The following GSN variants were observed in gnomAD, a reference collection of about 807,000 sequenced individuals.
GSN encodes the protein actin-depolymerizing factor.
A neutral mutation model predicts 85.7 loss-of-function variants in GSN; 56 were observed. That is an observed-to-expected ratio of 0.65 (90% confidence interval 0.53 to 0.82). The LOEUF (loss-of-function observed/expected upper bound fraction) is 0.82. Among genes scored for constraint, GSN ranks in the 40% least tolerant of loss-of-function variants. GSN has a pLI of 0.00. For missense variants in GSN, 857 were observed against 979.8 expected (o/e 0.87, Z 1.67); for synonymous variants, 373 against 399.1 (o/e 0.93, Z 0.78).
intron 1 of GSN, chr9:121,209,280 T>C (rs538957265): frequency 6.6e-6 from 1 of 152,248 alleles, no homozygotes; most frequent in South Asian, 2.1e-4. Context: ...AAATGTACAA[T>C]CCTTCATCCT....
chr9:121,228,470 G>A (rs1334444672), intron 4 of GSN, among the ~76,000 whole-genome samples: 3 of 78,326 alleles, frequency 3.8e-5, no homozygotes, highest in Non-Finnish European at 7.3e-5. Flanking sequence ...GTCTTGCTTT[G>A]TTACCCAGAC....
chr9:121,222,411 A>G (rs2132115083), intron 4 of GSN, among the ~76,000 whole-genome samples: 1 of 152,362 alleles, frequency 6.6e-6, no homozygotes, highest in Admixed American at 6.5e-5. Flanking sequence ...ATAATATATT[A>G]AAGCCAGTTC....
chr9:121,209,574 T>C (rs1564330916), intron 2 of GSN, among the ~76,000 whole-genome samples: 1 of 152,226 alleles, frequency 6.6e-6, no homozygotes, highest in Non-Finnish European at 1.5e-5. Context: ...AGTAGCTGTG[T>C]GGCTTTGGAA....
In GSN at chr9:121,302,131, A is replaced by C; in HGVS notation, c.160A>C (p.Asn54His). The C allele has an allele frequency of 1.9e-6, 3 of 1,614,140 alleles. No homozygotes were observed. The highest frequency in any genetic ancestry group is 2.5e-6 in the Non-Finnish European group (3 of 1,179,992). ...YVILKTVQLR[N>H]GNLQYDLHYW... ...CATCCTGAAGACAGTGCAGCTGAGG[A>C]ACGGAAATCTGCAGTATGACCTCCA... is the stretch of plus-strand genomic sequence containing the variant. Residue 54 changes from asparagine to histidine, a missense_variant, in exon 3 of 18, where the codon AAC (asparagine) becomes CAC (histidine). Coordinates refer to ENST00000432226, the MANE Select transcript of GSN (RefSeq NM_198252.3).
rs778987126 is a variant in GSN at position 121,317,208 on chromosome 9, T to C, written c.876T>C (p.Phe292=). 2.5e-6 allele frequency: 4 copies of C among 1,614,144 alleles called. No homozygotes were observed. The East Asian group carries it at 6.7e-5, about 27-fold the overall frequency. Residue 292 remains phenylalanine, a synonymous_variant, in exon 8 of 18, where the codon TTT becomes TTC. Transcript: ENST00000432226. ...ILDHGKDGKI[F]VWKGKQANTE... is the part of the protein sequence containing the mutation. ...ACCACGGCAAAGATGGGAAAATCTT[T>C]GTCTGGAAAGGTACTGGAGACAGGG...
chr9:121,250,312 C>T (rs1023597762), intron 6 of GSN, among the ~76,000 whole-genome samples: 4 of 149,948 alleles, frequency 2.7e-5, no homozygotes, highest in African/African-American at 9.8e-5. Context: ...TCAAGTGAAT[C>T]TCCTGCCTCA....
intron 6 of GSN, among the ~76,000 whole-genome samples, chr9:121,258,762 C>T (rs73660422): frequency 2.3e-3 from 344 of 151,752 alleles, no homozygotes; most frequent in African/African-American, 8.0e-3. Flanking sequence ...TGAGCAGAAT[C>T]AAGAGAAGAG....
At chr9:121,219,473 C>T (rs1211496373) in intron 4 of GSN, among the ~76,000 whole-genome samples, 1 of 152,064 alleles carries the variant, frequency 6.6e-6, no homozygotes, top group Non-Finnish European at 1.5e-5. Flanking sequence ...AGGAGAACAG[C>T]ACATTCCAGG....
chr9:121,259,964 A>G (rs2055047156), intron 6 of GSN, among the ~76,000 whole-genome samples: 1 of 152,224 alleles, frequency 6.6e-6, no homozygotes, highest in South Asian at 2.1e-4. Flanking sequence ...ACAGGGGGAC[A>G]TGTAGGGCAT....
In GSN at chr9:121,251,187, C is replaced by CTTTGTTTTTTTTTTTTTTTTTTT. The variant is rs2054825282; in HGVS notation, c.-341+2867_-341+2868insGTTTTTTTTTTTTTTTTTTTTTT. ...ATAACATACCTACAGCTGATGTGTT[C>CTTTGTTTTTTTTTTTTTTTTTTT]TTTTTTTTTTTTTGAGATGGATTCT... is the stretch of plus-strand genomic sequence containing the variant. On this transcript the variant is annotated intron_variant, in intron 6 of 24. Transcript: ENST00000373823. 2.7e-5 allele frequency among the ~76,000 whole-genome samples: 2 copies of CTTTGTTTTTTTTTTTTTTTTTTT among 73,044 alleles called. 1 individual carries two copies. Among genetic ancestry groups the CTTTGTTTTTTTTTTTTTTTTTTT allele is most frequent in the African/African-American group, 1.3e-4 (2 of 15,370 alleles). The allele number at this position is 73,044 out of a possible 152,430, so 47.9% of individuals were successfully genotyped here. A position where few individuals can be genotyped will look rare whatever the true frequency, so the allele number is the denominator to read the frequency against.
In GSN at chr9:121,303,005, G is replaced by T. The variant is rs770851113; in HGVS notation, c.291G>T (p.Glu97Asp). ...YLNGRAVQHR[E>D]VQGFESATFL... ...ACGGCCGGGCCGTGCAGCACCGTGAGGTCCAGGGCTTCGAGTCGGCCACCT... is the reference window on the plus strand; with the variant it reads ...ACGGCCGGGCCGTGCAGCACCGTGATGTCCAGGGCTTCGAGTCGGCCACCT... Residue 97 changes from glutamate (E) to aspartate (D), a missense_variant, in exon 4 of 18, where the codon GAG becomes GAT. Coordinates refer to ENST00000432226, the MANE Select transcript of GSN (RefSeq NM_198252.3). 1 of 1,613,916 alleles carries T rather than the reference G, an allele frequency of 6.2e-7. No homozygotes were observed. Among genetic ancestry groups the T allele is most frequent in the East Asian group, 2.2e-5 (1 of 44,898 alleles).
At chr9:121,289,942 G>A (rs1354804383) in intron 2 of GSN, among the ~76,000 whole-genome samples, 2 of 152,224 alleles carry the variant, frequency 1.3e-5, no homozygotes, top group Non-Finnish European at 2.9e-5. Flanking sequence ...AGTGCAGAGA[G>A]AGTTTAAGGG....
In GSN at chr9:121,331,431, C is replaced by A; in HGVS notation, c.2009C>A (p.Thr670Lys). Reference protein sequence around the residue: ...VGKDSQEEEKTEALTSAKRYI... With the variant: ...VGKDSQEEEKKEALTSAKRYI... Reference sequence around the variant, plus strand: ...AAGGATTCTCAAGAAGAAGAAAAGACAGAAGCCTTGACTTCTGGTGAGGAC... The same window carrying A: ...AAGGATTCTCAAGAAGAAGAAAAGAAAGAAGCCTTGACTTCTGGTGAGGAC... The change falls in exon 17 of 18, where the codon ACA becomes AAA. Residue 670 changes from threonine to lysine, a missense_variant. Coordinates refer to ENST00000432226, the MANE Select transcript of GSN (RefSeq NM_198252.3). 1 of 1,605,338 alleles carries A rather than the reference C, an allele frequency of 6.2e-7. No homozygotes were observed.
chr9:121,317,855 AAG>A (rs138299905), intron 8 of GSN: 1,851 of 180,262 alleles, frequency 0.01, 1 homozygote, highest in South Asian at 0.03. Context: ...GGTGGGGAGA[AAG>A]AGAGAGAGAG....
intron 5 of GSN, among the ~76,000 whole-genome samples, chr9:121,244,782 G>A (rs1194434212): frequency 6.6e-6 from 1 of 152,132 alleles, no homozygotes; most frequent in Admixed American, 6.5e-5. Context: ...TACTATGTGT[G>A]ATCTCCAGGA....
intron 4 of GSN, among the ~76,000 whole-genome samples, chr9:121,305,618 G>A (rs1472975406): frequency 1.3e-5 from 2 of 152,226 alleles, no homozygotes; most frequent in African/African-American, 4.8e-5. Flanking sequence ...GCTCGGATAT[G>A]GCCTGGGATC....
intron 10 of GSN, among the ~76,000 whole-genome samples, chr9:121,319,981 AT>A (rs2062205232): frequency 1.3e-5 from 2 of 152,146 alleles, no homozygotes. Flanking sequence ...GCTAGCATTC[AT>A]TTGTTGCTTC....
Position 121,302,946 on chromosome 9 carries a change from G to A in GSN, c.232G>A (p.Ala78Thr), listed in dbSNP as rs2230287. ...ECSQDESGAA[A>T]IFTVQLDDYL... ...CAGCCAGGATGAGAGCGGGGCGGCC[G>A]CCATCTTTACCGTGCAGCTGGATGA... Residue 78 changes from alanine (A) to threonine (T), a missense_variant, in exon 4 of 18, where the codon GCC becomes ACC. By Grantham distance (58) the Ala-to-Thr change is moderately conservative. Transcript: ENST00000432226. The A allele has an allele frequency of 0.026, 41,154 of 1,613,826 alleles. 2,438 individuals carry two copies. Among genetic ancestry groups the A allele is most frequent in the Admixed American group, 0.2 (12,078 of 60,012 alleles).
chr9:121,326,931 A>G (rs2133886963), intron 13 of GSN: 1 of 688,570 alleles, frequency 1.5e-6, no homozygotes, highest in East Asian at 2.7e-5. Context: ...CTGTACAATC[A>G]GCATGCCATT....
Sources: gnomAD v4.1 joint callset for allele counts (sites outside exome capture counted in the v4.1 genomes callset) on GRCh38, gnomAD v4.1.1 for gene constraint, MANE v1.5 for transcripts, NCBI Gene and HGNC (gene_info 2026-07-23, HGNC 2026-07-21) for gene names.